The following SPATA1 variants were observed in gnomAD, a reference collection of about 807,000 sequenced individuals.
SPATA1 encodes spermatogenesis-associated protein 1.
SPATA1 carries 57 observed loss-of-function variants against 59.6 expected under a neutral mutation model. The observed-to-expected ratio is 0.96, with a 90% CI of 0.77 to 1.19. SPATA1 has a LOEUF of 1.19. Among genes scored for constraint, SPATA1 ranks in the 50% most tolerant of loss-of-function variants. SPATA1 has a pLI of 0.00. For synonymous variants in SPATA1, 147 were observed against 163.9 expected, an observed-to-expected ratio of 0.90 and a Z score of 0.79; for missense variants, 448 against 480.7, an observed-to-expected ratio of 0.93 and a Z score of 0.64.
downstream of SPATA1, among the ~76,000 whole-genome samples, chr1:84,558,616 A>G (rs1409040368): frequency 4.0e-5 from 6 of 149,546 alleles, no homozygotes; most frequent in Non-Finnish European, 7.4e-5. Context: ...AAAAAAAAAA[A>G]GAGGCCAAGT....
intron 8 of SPATA1, among the ~76,000 whole-genome samples, chr1:84,536,801 C>A (rs1368082491): frequency 1.3e-5 from 2 of 151,658 alleles, no homozygotes; most frequent in Non-Finnish European, 2.9e-5. Flanking sequence ...CCCCAGAATT[C>A]TTTTAAAAAA....
exon 13 of SPATA1, chr1:84,553,184 G>T: frequency 1.0e-6 from 1 of 968,382 alleles, no homozygotes; most frequent in Non-Finnish European, 1.5e-6. Flanking sequence ...GAACAGATTT[G>T]TTTAACCATT....
intron 6 of SPATA1, among the ~76,000 whole-genome samples, chr1:84,530,000 G>A (rs763552853): frequency 6.6e-5 from 10 of 152,038 alleles, no homozygotes; most frequent in Non-Finnish European, 1.5e-4. Flanking sequence ...GGGACTACAG[G>A]CACACGCAGC....
chr1:84,520,045 A>G (rs527687900), intron 2 of SPATA1: 1 of 152,404 alleles, frequency 6.6e-6, no homozygotes, highest in African/African-American at 2.4e-5. Flanking sequence ...GACATGCCCA[A>G]TGTAAGAACA....
chr1:84,552,959 T>C (rs1244175544), intron 12 of SPATA1: 2 of 980,792 alleles, frequency 2.0e-6, no homozygotes, highest in Non-Finnish European at 3.0e-6. Context: ...ACAAAAACCC[T>C]GTTTACATGA....
chr1:84,535,007 T>C (rs937152607), intron 8 of SPATA1, among the ~76,000 whole-genome samples: 8 of 152,154 alleles, frequency 5.3e-5, no homozygotes, highest in African/African-American at 1.9e-4. Context: ...ATAGAGGTAA[T>C]TTGAAGAGAA....
chr1:84,531,606 C>T (rs1386382921), intron 6 of SPATA1, among the ~76,000 whole-genome samples: 1 of 133,486 alleles, frequency 7.5e-6, no homozygotes, highest in African/African-American at 2.9e-5. Flanking sequence ...CAGGGTCTTG[C>T]TCTGATGCCC....
intron 1 of SPATA1, among the ~76,000 whole-genome samples, chr1:84,512,265 G>A (rs547866069): frequency 6.6e-6 from 1 of 152,134 alleles, no homozygotes; most frequent in Non-Finnish European, 1.5e-5. Flanking sequence ...GAGCAATCAA[G>A]TAATCAAAAC....
exon 10 of SPATA1, chr1:84,545,751 G>A (rs762036648): frequency 7.5e-5 from 114 of 1,510,770 alleles, no homozygotes; most frequent in South Asian, 2.8e-4. Context: ...AAATTAAAAC[G>A]ATATCATGGT....
At chr1:84,563,244 C>A in intron 4 of SPATA1, 1 of 1,441,250 alleles carries the variant, frequency 6.9e-7, no homozygotes, top group Non-Finnish European at 9.2e-7. Context: ...TCATAACTTA[C>A]GAAAAGTCTT....
At chr1:84,550,606 G>A (rs1248882402) in intron 12 of SPATA1, 76 bp downstream of exon 12, 3 of 1,388,818 alleles carry the variant, frequency 2.2e-6, no homozygotes, top group South Asian at 1.9e-5. Context: ...TTAACTTTGG[G>A]TGTCAATAAT....
chr1:84,557,732 C>G (rs1459666235), downstream of SPATA1, among the ~76,000 whole-genome samples: 1 of 150,926 alleles, frequency 6.6e-6, no homozygotes, highest in Non-Finnish European at 1.5e-5. Context: ...GTGGCGGGCA[C>G]CTGTAGTCCC....
Position 84,548,733 on chromosome 1 carries a change from T to G in SPATA1, c.947-53T>G, listed in dbSNP as rs1570453332. On this transcript the variant is annotated intron_variant, in intron 10 of 12. Coordinates refer to ENST00000490879, the Ensembl canonical transcript of SPATA1. ...GATGAAAAGTTGAATCCTTTAATAC[T>G]CAAACGAAGGCCTTTCCTTTTTTTT... The G allele has an allele frequency of 3.6e-6, 5 of 1,378,144 alleles. No individual in the cohort carries two copies. The Middle Eastern group carries it at 6.8e-4, about 187-fold the overall frequency. The allele number at this position is 1,378,144 out of a possible 1,614,324, so 85.4% of individuals were successfully genotyped here.
exon 8 of SPATA1, chr1:84,533,762 A>G: frequency 6.4e-7 from 1 of 1,554,262 alleles, no homozygotes; most frequent in Non-Finnish European, 8.7e-7. Context: ...AGACAGGACA[A>G]TCAGGTACTA....
intron 1 of SPATA1, among the ~76,000 whole-genome samples, chr1:84,514,699 G>A (rs920530765): frequency 6.6e-6 from 1 of 152,184 alleles, no homozygotes; most frequent in East Asian, 1.9e-4. Flanking sequence ...CGGGCACAGT[G>A]GTGGCTGATG....
At chr1:84,520,921 T>C (rs1570400560) in intron 3 of SPATA1, among the ~76,000 whole-genome samples, 1 of 152,140 alleles carries the variant, frequency 6.6e-6, no homozygotes, top group African/African-American at 2.4e-5. Context: ...GAAAACAGTA[T>C]ATAACCTGTG....
At chr1:84,556,682 A>G (rs574084939), downstream of SPATA1, among the ~76,000 whole-genome samples, 2 of 143,802 alleles carry the variant, frequency 1.4e-5, no homozygotes. Flanking sequence ...ACTGCACTCC[A>G]GCCTGGAGAC....
At chr1:84,512,854 A>C (rs1570384987) in intron 1 of SPATA1, among the ~76,000 whole-genome samples, 1 of 152,350 alleles carries the variant, frequency 6.6e-6, no homozygotes, top group East Asian at 1.9e-4. Context: ...GCAAGATAAA[A>C]TTGATTTTCC....
chr1:84,529,986 A>G (rs890703782), intron 6 of SPATA1, among the ~76,000 whole-genome samples: 2 of 151,812 alleles, frequency 1.3e-5, no homozygotes, highest in Non-Finnish European at 2.9e-5. Flanking sequence ...CCTCCCGAGT[A>G]GCTGGGACTA....
Sources: allele counts gnomAD v4.1 joint callset (sites outside exome capture counted in the v4.1 genomes callset), GRCh38; gene constraint gnomAD v4.1.1; transcripts MANE v1.5; gene names NCBI Gene and HGNC (gene_info 2026-07-23, HGNC 2026-07-21).